The following EYA1 variants were observed in gnomAD, a reference collection of about 807,000 sequenced individuals.
EYA1 encodes protein phosphatase EYA1.
In EYA1, 16 loss-of-function variants were observed where a neutral mutation model predicts 82.0. The ratio of observed to expected loss-of-function variants is 0.20; its 90% confidence interval spans 0.13 to 0.30. The LOEUF is 0.30. Among genes scored for constraint, EYA1 ranks in the 10% least tolerant of loss-of-function variants. The pLI, the probability that EYA1 is intolerant of heterozygous loss-of-function variation, is 1.00. For synonymous variants in EYA1, 261 were observed against 264.4 expected (o/e 0.99, Z 0.12); for missense variants, 633 against 730.7 (o/e 0.87, Z 1.54).
chr8:71,266,318 C>G (rs970750845), intron 11 of EYA1, among the ~76,000 whole-genome samples: 2 of 152,120 alleles, frequency 1.3e-5, no homozygotes, highest in African/African-American at 4.8e-5. Flanking sequence ...CCTCAGTGCC[C>G]TGGGGGAAAC....
At position 71,215,665 on chromosome 8, in the gene EYA1, G is replaced by T. The variant is rs1337631504; in HGVS notation, c.1424C>A (p.Thr475Asn). ...LQLRAEIEAL[T>N]DSWLTLALKA... Reference sequence around the variant, plus strand: ...CAGGGCCAGTGTCAACCAGGAGTCGGTCAGGGCTTCAATTTCGGCCCTCAA... The same window carrying T: ...CAGGGCCAGTGTCAACCAGGAGTCGTTCAGGGCTTCAATTTCGGCCCTCAA... Residue 475 changes from threonine (T) to asparagine (N), a missense_variant, in exon 15 of 18, where the codon ACC (threonine) becomes AAC (asparagine). Physicochemically the swap from Thr to Asn is moderately conservative, Grantham distance 65. Transcript: ENST00000340726. The T allele has an allele frequency of 6.2e-7, 1 of 1,614,144 alleles. No homozygotes were observed. The highest frequency in any genetic ancestry group is 8.5e-7 in the Non-Finnish European group (1 of 1,180,008).
At chr8:71,338,346 A>G (rs1236024269) in intron 3 of EYA1, among the ~76,000 whole-genome samples, 2 of 152,250 alleles carry the variant, frequency 1.3e-5, no homozygotes, top group Non-Finnish European at 2.9e-5. Context: ...AGGCTAATAG[A>G]AGGAGAATGG....
intron 2 of EYA1, among the ~76,000 whole-genome samples, chr8:71,450,796 A>G (rs1267878859): frequency 6.6e-6 from 1 of 152,244 alleles, no homozygotes; most frequent in African/African-American, 2.4e-5. Flanking sequence ...GATTACCTTA[A>G]CAGGATAGAG....
chr8:71,371,719 C>G (rs1563545091), intron 2 of EYA1, among the ~76,000 whole-genome samples: 1 of 152,194 alleles, frequency 6.6e-6, no homozygotes, highest in Middle Eastern at 3.4e-3. Context: ...CAAAAATAAA[C>G]TCCCATTAAT....
At chr8:71,441,855 A>G (rs1329360990) in intron 2 of EYA1, among the ~76,000 whole-genome samples, 3 of 152,202 alleles carry the variant, frequency 2.0e-5, no homozygotes, top group African/African-American at 7.2e-5. Context: ...CAGGGCCCTC[A>G]TTATGGAATT....
upstream of EYA1, among the ~76,000 whole-genome samples, chr8:71,364,921 C>CA (rs1463090714): frequency 7.7e-5 from 6 of 77,814 alleles, no homozygotes; most frequent in East Asian, 6.9e-4. Flanking sequence ...AGGGCATGAT[C>CA]AAAAAAAAAG....
intron 1 of EYA1, among the ~76,000 whole-genome samples, chr8:71,540,927 T>C (rs964360869): frequency 5.9e-5 from 9 of 152,122 alleles, no homozygotes; most frequent in Non-Finnish European, 1.2e-4. Context: ...GCAGATTGAA[T>C]AAACATATCA....
intron 9 of EYA1, among the ~76,000 whole-genome samples, chr8:71,288,177 G>A (rs1258591003): frequency 6.6e-6 from 1 of 152,114 alleles, no homozygotes; most frequent in East Asian, 1.9e-4. Flanking sequence ...GTATGACTGG[G>A]AAACATTGGA....
intron 12 of EYA1, among the ~76,000 whole-genome samples, chr8:71,220,652 CTAGT>C (rs1290157792): frequency 5.9e-5 from 9 of 152,308 alleles, no homozygotes; most frequent in Admixed American, 3.3e-4. Context: ...AACTAACATT[CTAGT>C]TAGTCACAAA....
At chr8:71,268,268 T>A (rs765807812) in intron 11 of EYA1, among the ~76,000 whole-genome samples, 24 of 152,194 alleles carry the variant, frequency 1.6e-4, no homozygotes, top group Non-Finnish European at 3.2e-4. Context: ...CCTACTCTTT[T>A]CAACACTCTT....
At chr8:71,411,169 C>G (rs2129140319) in intron 2 of EYA1, among the ~76,000 whole-genome samples, 1 of 3,018 alleles carries the variant, frequency 3.3e-4, no homozygotes, top group East Asian at 2.5e-3. Flanking sequence ...GGAAAACTGG[C>G]TAGCCATATG....
intron 2 of EYA1, chr8:71,471,013 T>G (rs1458363638): frequency 4.8e-6 from 2 of 417,104 alleles, no homozygotes; most frequent in Non-Finnish European, 9.4e-6. Context: ...TTAAAAAATT[T>G]ATTGCTTTTA....
chr8:71,417,711 A>G (rs1368238407), intron 2 of EYA1, among the ~76,000 whole-genome samples: 2 of 152,180 alleles, frequency 1.3e-5, no homozygotes, highest in Non-Finnish European at 2.9e-5. Context: ...TCTATAACAA[A>G]GAATGATCCG....
chr8:71,390,808 ACT>A (rs1431401127), intron 2 of EYA1, among the ~76,000 whole-genome samples: 3 of 151,626 alleles, frequency 2.0e-5, no homozygotes, highest in African/African-American at 4.8e-5. Flanking sequence ...GGTCCCTGAG[ACT>A]CTCTTATTCA....
chr8:71,328,038 G>T (rs1347036576), intron 4 of EYA1, among the ~76,000 whole-genome samples: 1 of 151,846 alleles, frequency 6.6e-6, no homozygotes, highest in African/African-American at 2.4e-5. Flanking sequence ...TGTATTTTTA[G>T]TAGAGACAGG....
At chr8:71,259,270 C>T (rs937422391) in intron 11 of EYA1, among the ~76,000 whole-genome samples, 1 of 152,104 alleles carries the variant, frequency 6.6e-6, no homozygotes, top group Non-Finnish European at 1.5e-5. Flanking sequence ...TGGAGATGCC[C>T]GCCCACCACA....
chr8:71,301,407 G>A (rs1377947884), intron 7 of EYA1, among the ~76,000 whole-genome samples: 1 of 152,136 alleles, frequency 6.6e-6, no homozygotes, highest in Non-Finnish European at 1.5e-5. Context: ...GCACATTATG[G>A]TTTATGGCAG....
intron 2 of EYA1, among the ~76,000 whole-genome samples, chr8:71,471,766 A>G (rs1809228885): frequency 6.6e-6 from 1 of 152,116 alleles, no homozygotes; most frequent in South Asian, 2.1e-4. Context: ...GGATGGGAGA[A>G]GAGGATGTTA....
chr8:71,442,304 ATCTTT>A (rs1337001828), intron 2 of EYA1, among the ~76,000 whole-genome samples: 1 of 152,104 alleles, frequency 6.6e-6, no homozygotes. Flanking sequence ...TGGGAAGTGG[ATCTTT>A]TCTTTTCAAG....
Sources: allele counts gnomAD v4.1 joint callset (sites outside exome capture counted in the v4.1 genomes callset), GRCh38; gene constraint gnomAD v4.1.1; transcripts MANE v1.5; gene names NCBI Gene and HGNC (gene_info 2026-07-23, HGNC 2026-07-21).